Variants in ALCAM observed in about 807,000 individuals in gnomAD.
The protein encoded by ALCAM is CD166 antigen.
ALCAM carries 30 observed loss-of-function variants against 70.9 expected under a neutral mutation model. The observed-to-expected ratio is 0.42, with a 90% CI of 0.32 to 0.57. The LOEUF (loss-of-function observed/expected upper bound fraction) is 0.57. Among genes scored for constraint, ALCAM ranks in the 20% least tolerant of loss-of-function variants. The probability of loss-of-function intolerance (pLI) is 0.11; values close to 1 mark genes in which losing one functional copy is unlikely to be tolerated. For missense variants in ALCAM, 591 were observed against 695.1 expected (o/e 0.85, Z 1.68); for synonymous variants, 249 against 242.5 (o/e 1.03, Z -0.25).
intron 1 of ALCAM, among the ~76,000 whole-genome samples, chr3:105,383,623 A>G (rs1935580610): frequency 6.6e-6 from 1 of 151,740 alleles, no homozygotes; most frequent in African/African-American, 2.4e-5. Context: ...GCCTTATTCT[A>G]CCCATGCTAT....
At chr3:105,549,496 C>T (rs1198610820) in intron 11 of ALCAM, among the ~76,000 whole-genome samples, 2 of 151,426 alleles carry the variant, frequency 1.3e-5, no homozygotes, top group South Asian at 2.1e-4. Flanking sequence ...GTTTAGGAGT[C>T]AAATCCTAGG....
At chr3:105,509,679 T>C (rs949549905) in intron 1 of ALCAM, among the ~76,000 whole-genome samples, 1 of 152,080 alleles carries the variant, frequency 6.6e-6, no homozygotes, top group African/African-American at 2.4e-5. Context: ...AGGCTGACTT[T>C]TTATTTTGCT....
At chr3:105,405,898 G>A (rs1936216848) in intron 1 of ALCAM, among the ~76,000 whole-genome samples, 1 of 152,146 alleles carries the variant, frequency 6.6e-6, no homozygotes, top group Non-Finnish European at 1.5e-5. Context: ...TGAGGGTTGG[G>A]CTGTTATTTC....
chr3:105,421,792 A>T (rs1438276238), intron 1 of ALCAM, among the ~76,000 whole-genome samples: 1 of 151,512 alleles, frequency 6.6e-6, no homozygotes, highest in Non-Finnish European at 1.5e-5. Context: ...TCAGTGTTGA[A>T]CAATTTTAGC....
At chr3:105,494,654 C>T (rs1439205957) in intron 1 of ALCAM, among the ~76,000 whole-genome samples, 1 of 151,328 alleles carries the variant, frequency 6.6e-6, no homozygotes, top group Non-Finnish European at 1.5e-5. Context: ...TTCTTTCCTT[C>T]CTTCCTTCCT....
intron 1 of ALCAM, among the ~76,000 whole-genome samples, chr3:105,491,368 A>G (rs115115197): frequency 0.013 from 2,005 of 152,306 alleles, 35 homozygotes; most frequent in African/African-American, 0.044. Context: ...TGTCCTGGCA[A>G]TTAACATTTG....
At chr3:105,518,521 T>A (rs1456781927) in intron 1 of ALCAM, among the ~76,000 whole-genome samples, 2 of 152,236 alleles carry the variant, frequency 1.3e-5, no homozygotes, top group East Asian at 3.9e-4. Flanking sequence ...TTAGTCTGCA[T>A]GTCTGCAGCC....
intron 1 of ALCAM, among the ~76,000 whole-genome samples, chr3:105,441,720 C>A (rs984800401): frequency 7.9e-5 from 12 of 152,162 alleles, no homozygotes; most frequent in African/African-American, 2.2e-4. Flanking sequence ...ATAAAACATT[C>A]TTTTCCTCTG....
intron 1 of ALCAM, among the ~76,000 whole-genome samples, chr3:105,452,162 T>C (rs1454455212): frequency 3.9e-5 from 6 of 152,064 alleles, no homozygotes; most frequent in African/African-American, 1.4e-4. Flanking sequence ...TACATAGGTA[T>C]ACATGTGCCA....
chr3:105,393,193 T>C (rs1935866174), intron 1 of ALCAM, among the ~76,000 whole-genome samples: 2 of 151,802 alleles, frequency 1.3e-5, no homozygotes, highest in Admixed American at 1.3e-4. Context: ...GCCATTCTTA[T>C]ATTAGTCTAT....
rs893830159 is a variant in ALCAM, at chr3:105,467,324, C to T, written c.74-52743C>T. 5.2e-4 allele frequency among the ~76,000 whole-genome samples: 79 copies of T among 151,022 alleles called. 1 individual carries two copies. Among genetic ancestry groups the T allele is most frequent in the African/African-American group, 1.6e-3 (67 of 41,298 alleles). On this transcript the variant is annotated intron_variant, in intron 1 of 15. Coordinates refer to ENST00000306107, the MANE Select transcript of ALCAM (RefSeq NM_001627.4). ...CAGCCTACAAATTAAATAGTTATTT[C>T]GTGAACATGGAATTACACAAAGGAT... is the stretch of plus-strand genomic sequence containing the variant.
At chr3:105,425,383 C>G (rs137862448) in intron 1 of ALCAM, among the ~76,000 whole-genome samples, 1 of 151,806 alleles carries the variant, frequency 6.6e-6, no homozygotes, top group East Asian at 1.9e-4. Context: ...CAGAGTGGAA[C>G]CTCTCAGTCT....
chr3:105,565,879 A>G (rs987292991), intron 14 of ALCAM, among the ~76,000 whole-genome samples: 6 of 152,080 alleles, frequency 3.9e-5, no homozygotes, highest in Non-Finnish European at 7.4e-5. Context: ...CTTTCCTGCA[A>G]TTTTCATCAT....
chr3:105,486,651 TA>T (rs1938435539), intron 1 of ALCAM, among the ~76,000 whole-genome samples: 1 of 152,156 alleles, frequency 6.6e-6, no homozygotes, highest in Non-Finnish European at 1.5e-5. Flanking sequence ...ACTGGTTTTT[TA>T]CTATGTAATT....
At chr3:105,520,457 T>C (rs891139967) in intron 2 of ALCAM, among the ~76,000 whole-genome samples, 1 of 152,190 alleles carries the variant, frequency 6.6e-6, no homozygotes, top group Non-Finnish European at 1.5e-5. Context: ...CCAGAATAAA[T>C]CAGTGGATTA....
intron 1 of ALCAM, among the ~76,000 whole-genome samples, chr3:105,386,551 C>A (rs1935661010): frequency 6.6e-6 from 1 of 151,366 alleles, no homozygotes; most frequent in Non-Finnish European, 1.5e-5. Flanking sequence ...GGGTCCCTAG[C>A]ATTAGACCCT....
intron 8 of ALCAM, among the ~76,000 whole-genome samples, chr3:105,543,605 T>G (rs1940175357): frequency 6.6e-6 from 1 of 151,692 alleles, no homozygotes; most frequent in Non-Finnish European, 1.5e-5. Flanking sequence ...CAGAATAGAC[T>G]GCTCATCAAG....
chr3:105,425,758 T>TG (rs1179448647), intron 1 of ALCAM, among the ~76,000 whole-genome samples: 7 of 89,622 alleles, frequency 7.8e-5, no homozygotes, highest in African/African-American at 1.2e-4. Flanking sequence ...GGCATATTTT[T>TG]AATTTTTTTT....
At position 105,395,637 on chromosome 3, in the gene ALCAM, A is replaced by G. The variant is rs138005466; in HGVS notation, c.73+28156A>G. ...ATATCTTATTGCAATGACAGGAATCAACAGGATCTAGCTTAAGCAAATATG... is the reference window on the plus strand; with the variant it reads ...ATATCTTATTGCAATGACAGGAATCGACAGGATCTAGCTTAAGCAAATATG... On this transcript the variant is annotated intron_variant, in intron 1 of 15. Coordinates refer to ENST00000306107, the MANE Select transcript of ALCAM (RefSeq NM_001627.4). 1.4e-3 allele frequency among the ~76,000 whole-genome samples: 211 copies of G among 152,168 alleles called. 1 individual carries two copies. The highest frequency in any genetic ancestry group is 5.0e-3 in the African/African-American group (206 of 41,552).
Sources: allele counts gnomAD v4.1 joint callset (sites outside exome capture counted in the v4.1 genomes callset), GRCh38; gene constraint gnomAD v4.1.1; transcripts MANE v1.5; gene names NCBI Gene and HGNC (gene_info 2026-07-23, HGNC 2026-07-21).